SORCS2: variants seen among roughly 807,000 people sequenced by gnomAD.
SORCS2 encodes sortilin related VPS10 domain containing receptor 2, also known as VPS10 domain-containing receptor SorCS2.
Under a neutral mutation model 141.6 loss-of-function variants are expected in SORCS2, and 100 were observed. That is an observed-to-expected ratio of 0.71 (90% CI 0.60 to 0.83). The LOEUF (loss-of-function observed/expected upper bound fraction) is 0.83. Ranked by LOEUF, SORCS2 falls within the 40% of genes least tolerant of loss-of-function variation. The pLI is 0.00. For synonymous variants in SORCS2, 789 were observed against 676.9 expected (o/e 1.17, Z -2.57); for missense variants, 1,646 against 1,560.2 (o/e 1.05, Z -0.93).
At chr4:7,586,886 C>T (rs997359001) in intron 3 of SORCS2, among the ~76,000 whole-genome samples, 1 of 152,066 alleles carries the variant, frequency 6.6e-6, no homozygotes, top group African/African-American at 2.4e-5. Context: ...GTGTTGAAGA[C>T]AAGTCCTTTT....
At chr4:7,534,818 G>A (rs1025167013) in intron 3 of SORCS2, among the ~76,000 whole-genome samples, 5 of 152,254 alleles carry the variant, frequency 3.3e-5, no homozygotes, top group African/African-American at 1.2e-4. Flanking sequence ...GCCCTCCATG[G>A]CCAGAGGAAA....
chr4:7,570,949 T>C (rs1715349639), intron 3 of SORCS2, among the ~76,000 whole-genome samples: 1 of 152,048 alleles, frequency 6.6e-6, no homozygotes, highest in Admixed American at 6.5e-5. Flanking sequence ...GTTCTGCCCC[T>C]TTTCCAGCCC....
intron 15 of SORCS2, 40 bp from the exon 16 acceptor site, chr4:7,714,200 C>A (rs769500314): frequency 3.1e-6 from 5 of 1,591,106 alleles, no homozygotes; most frequent in East Asian, 2.3e-5. Context: ...AGCAGTTGCC[C>A]TGTCTCAGGC....
chr4:7,306,439 T>C (rs1442862393), intron 1 of SORCS2, among the ~76,000 whole-genome samples: 2 of 152,116 alleles, frequency 1.3e-5, no homozygotes, highest in Non-Finnish European at 2.9e-5. Flanking sequence ...AGGGTGGCGG[T>C]GGCCCTGCTG....
intron 1 of SORCS2, among the ~76,000 whole-genome samples, chr4:7,394,721 G>A (rs1333221660): frequency 1.3e-5 from 2 of 152,080 alleles, no homozygotes; most frequent in African/African-American, 4.8e-5. Flanking sequence ...GGGATGTGAA[G>A]CCAGCCTCAC....
intron 3 of SORCS2, among the ~76,000 whole-genome samples, chr4:7,541,909 C>T (rs935492000): frequency 2.6e-5 from 4 of 152,210 alleles, no homozygotes; most frequent in South Asian, 2.1e-4. Flanking sequence ...AAGGTCTAAG[C>T]GTGGCCAGCA....
At chr4:7,344,709 G>A (rs974860716) in intron 1 of SORCS2, among the ~76,000 whole-genome samples, 11 of 152,216 alleles carry the variant, frequency 7.2e-5, no homozygotes, top group African/African-American at 1.9e-4. Flanking sequence ...AGGAAGCACC[G>A]TGCTGGACAG....
intron 3 of SORCS2, among the ~76,000 whole-genome samples, chr4:7,532,520 A>G (rs1711748395): frequency 6.6e-6 from 1 of 152,224 alleles, no homozygotes; most frequent in Non-Finnish European, 1.5e-5. Flanking sequence ...GTCTGTGAGA[A>G]TGTCCATGAA....
rs1726965306 is a variant in SORCS2, at chr4:7,193,337, C to G, written c.480+211C>G. The stretch of plus-strand genomic sequence containing the variant: ...GAGGTCCTCAGATTCGTACGCTTGT[C>G]TCACCGCAGGGGACATTCCCGCAGA... On this transcript the variant is annotated intron_variant, in intron 1 of 26. Transcript: ENST00000507866. This position sits in a 1 kb window ranked among gnomAD's most constrained non-coding sequence, Gnocchi z 4.8. Among the ~76,000 whole-genome samples, 1 of 152,198 alleles carries G rather than the reference C, an allele frequency of 6.6e-6. No homozygotes were observed. The highest frequency in any genetic ancestry group is 2.1e-4 in the South Asian group (1 of 4,834).
At chr4:7,709,424 G>T (rs1725682773) in intron 14 of SORCS2, among the ~76,000 whole-genome samples, 1 of 152,222 alleles carries the variant, frequency 6.6e-6, no homozygotes, top group African/African-American at 2.4e-5. Context: ...CACAGGTGAG[G>T]CATTTTATCC....
At chr4:7,352,661 A>G (rs933851014) in intron 1 of SORCS2, among the ~76,000 whole-genome samples, 8 of 152,144 alleles carry the variant, frequency 5.3e-5, no homozygotes, top group African/African-American at 1.9e-4. Flanking sequence ...ATGCTCACTT[A>G]GTGAGCTCAC....
chr4:7,533,940 T>G (rs547631370), intron 3 of SORCS2, among the ~76,000 whole-genome samples: 2 of 152,170 alleles, frequency 1.3e-5, no homozygotes, highest in East Asian at 1.9e-4. Flanking sequence ...GGCTGCGATG[T>G]GGGGTGCTCA....
At chr4:7,424,273 G>A (rs28654842) in intron 2 of SORCS2, among the ~76,000 whole-genome samples, 16,691 of 152,252 alleles carry the variant, frequency 0.11, 940 homozygotes, top group African/African-American at 0.13. Context: ...TGAAGGGTAG[G>A]GTGGGGTGGC....
At chr4:7,539,310 C>G (rs944647414) in intron 3 of SORCS2, among the ~76,000 whole-genome samples, 1 of 152,190 alleles carries the variant, frequency 6.6e-6, no homozygotes, top group African/African-American at 2.4e-5. Context: ...TAGTCCTCAC[C>G]AGGAACACGG....
chr4:7,425,700 G>C (rs946619559), intron 2 of SORCS2, among the ~76,000 whole-genome samples: 13 of 152,218 alleles, frequency 8.5e-5, no homozygotes, highest in African/African-American at 3.1e-4. Flanking sequence ...TCTTCAGGTG[G>C]GTTTGGTTTG....
chr4:7,289,348 A>C (rs762946278), intron 1 of SORCS2, among the ~76,000 whole-genome samples: 18 of 152,250 alleles, frequency 1.2e-4, no homozygotes, highest in South Asian at 4.2e-4. Flanking sequence ...CACAGCTTGG[A>C]GCCCACTGTG....
rs1404338741 is a variant in SORCS2 at position 7,697,280 on chromosome 4, C to T, written c.1668+6C>T. On this transcript the variant is annotated splice_donor_region_variant and intron_variant, in intron 12 of 26. Coordinates refer to ENST00000507866, the MANE Select transcript of SORCS2 (RefSeq NM_020777.3). ...GTGGTCACACCTGGCGGCAGGTAAG[C>T]TGGCTGGGAGGTGCCTGGTACCCCC... 1 of 1,580,682 alleles carries T rather than the reference C, an allele frequency of 6.3e-7. No individual in the cohort carries two copies. Among genetic ancestry groups the T allele is most frequent in the Non-Finnish European group, 8.6e-7 (1 of 1,163,666 alleles).
intron 1 of SORCS2, among the ~76,000 whole-genome samples, chr4:7,268,238 C>T (rs982028625): frequency 4.6e-5 from 7 of 152,196 alleles, no homozygotes; most frequent in African/African-American, 1.7e-4. Flanking sequence ...ATGAAGGTTT[C>T]TGTCCTTTGG....
intron 4 of SORCS2, among the ~76,000 whole-genome samples, chr4:7,641,301 G>C (rs143001905): frequency 0.014 from 2,181 of 152,312 alleles, 30 homozygotes; most frequent in South Asian, 0.075. Context: ...ATGGTGGAAG[G>C]TGAAGGGGAA....
Sources: allele counts gnomAD v4.1 joint callset (sites outside exome capture counted in the v4.1 genomes callset), GRCh38; gene constraint gnomAD v4.1.1; non-coding constraint Gnocchi (gnomAD v3.1); transcripts MANE v1.5; gene names NCBI Gene and HGNC (gene_info 2026-07-23, HGNC 2026-07-21).